MPPED1: variants seen among roughly 807,000 people sequenced by gnomAD.
MPPED1 encodes the protein metallophosphoesterase domain-containing protein 1.
MPPED1 carries 16 observed loss-of-function variants against 36.2 expected under a neutral mutation model. The observed-to-expected ratio is 0.44, with a 90% CI of 0.30 to 0.67. The LOEUF is 0.67. Ranked by LOEUF, MPPED1 falls within the 30% of genes least tolerant of loss-of-function variation. MPPED1 has a pLI of 0.10. For missense variants in MPPED1, 307 were observed against 453.4 expected, an observed-to-expected ratio of 0.68 and a Z score of 2.93; for synonymous variants, 199 against 191.3, an observed-to-expected ratio of 1.04 and a Z score of -0.33.
At chr22:43,439,964 T>A (rs1463704215) in intron 3 of MPPED1, among the ~76,000 whole-genome samples, 1 of 152,256 alleles carries the variant, frequency 6.6e-6, no homozygotes, top group East Asian at 1.9e-4. Context: ...CCAGAGCTCC[T>A]GGTCTAGGCT....
chr22:43,461,691 T>C (rs1364850053), intron 3 of MPPED1, among the ~76,000 whole-genome samples: 2 of 152,190 alleles, frequency 1.3e-5, no homozygotes, highest in Non-Finnish European at 2.9e-5. Context: ...GACAGCACTC[T>C]TTTTACTTTT....
At chr22:43,491,062 T>C (rs1932066728) in intron 4 of MPPED1, among the ~76,000 whole-genome samples, 2 of 152,228 alleles carry the variant, frequency 1.3e-5, no homozygotes, top group South Asian at 2.1e-4. Flanking sequence ...GAAGTATCCC[T>C]TTCCTGGCTC....
At chr22:43,464,311 G>A (rs1931085327) in intron 3 of MPPED1, among the ~76,000 whole-genome samples, 1 of 151,678 alleles carries the variant, frequency 6.6e-6, no homozygotes, top group South Asian at 2.1e-4. Context: ...GTGTGTGTGT[G>A]TGTGTGTGTG....
At chr22:43,442,899 C>G (rs1021168702) in intron 3 of MPPED1, among the ~76,000 whole-genome samples, 4 of 152,136 alleles carry the variant, frequency 2.6e-5, no homozygotes, top group African/African-American at 9.7e-5. Flanking sequence ...GCCTCTCCCG[C>G]GGGGCTGTGA....
intron 4 of MPPED1, among the ~76,000 whole-genome samples, chr22:43,495,244 GGT>G (rs1932225195): frequency 6.7e-6 from 1 of 148,754 alleles, no homozygotes; most frequent in Non-Finnish European, 1.5e-5. Context: ...AGGTGGTGGT[GGT>G]GATGGAGGTG....
chr22:43,425,087 C>T lies in MPPED1; in HGVS notation c.102C>T (p.Ala34=), dbSNP rs374028215. ...GMAFSQSHVM[A]ARRHQHSRLI... ...CATTCTCCCAGTCCCACGTGATGGC[C>T]GCTCGGCGGCACCAGCACAGCCGGC... is the stretch of plus-strand genomic sequence containing the variant. Residue 34 remains alanine (A), a synonymous_variant, in exon 2 of 7, where the codon GCC becomes GCT. Transcript: ENST00000443721. 23 of 1,613,624 alleles carry T rather than the reference C, an allele frequency of 1.4e-5. No homozygotes were observed. The highest frequency in any genetic ancestry group is 2.2e-5 in the East Asian group (1 of 44,890).
intron 4 of MPPED1, among the ~76,000 whole-genome samples, chr22:43,487,573 G>A (rs1931951984): frequency 6.6e-6 from 1 of 152,178 alleles, no homozygotes; most frequent in African/African-American, 2.4e-5. Context: ...TAGGAGCCAG[G>A]GGTGCAGGCC....
At chr22:43,495,455 GTGGAAGTGCTGGTGA>G in intron 4 of MPPED1, among the ~76,000 whole-genome samples, 2 of 149,636 alleles carry the variant, frequency 1.3e-5, no homozygotes, top group Admixed American at 6.6e-5. Context: ...GGAGGTGGTG[GTGGAAGTGCTGGTGA>G]TGGTGGAGGT....
At position 43,461,697 on chromosome 22, in the gene MPPED1, C is replaced by CT. The variant is rs956362993; in HGVS notation, c.407-13031dup. Among the ~76,000 whole-genome samples, 8 of 152,074 alleles carry CT rather than the reference C, an allele frequency of 5.3e-5. No individual in the cohort carries two copies. In the East Asian group the frequency reaches 5.8e-4, roughly 11 times the overall value. On this transcript the variant is annotated intron_variant, in intron 3 of 6. Transcript: ENST00000443721. ...CAAATGTATGACAGCACTCTTTTTA[C>CT]TTTTTTTTGAGAAATATTTAATGAA...
chr22:43,454,209 G>GC (rs1249654251), intron 3 of MPPED1, among the ~76,000 whole-genome samples: 3 of 151,908 alleles, frequency 2.0e-5, no homozygotes, highest in Non-Finnish European at 4.4e-5. Flanking sequence ...GGGTTTCACT[G>GC]CGTTGGCCAG....
intron 3 of MPPED1, among the ~76,000 whole-genome samples, chr22:43,465,002 C>T (rs1256210741): frequency 2.0e-5 from 3 of 152,184 alleles, no homozygotes; most frequent in African/African-American, 7.2e-5. Flanking sequence ...CCGTGGGCAC[C>T]CCACCCCGGT....
intron 4 of MPPED1, among the ~76,000 whole-genome samples, chr22:43,495,466 GGTGATGGTGGAGGTGGTGGTGGAGGTA>G (rs1569088562): frequency 3.5e-5 from 5 of 140,988 alleles, no homozygotes; most frequent in African/African-American, 7.9e-5. Flanking sequence ...TGGAAGTGCT[GGTGATGGTGGAGGTGGTGGTGGAGGTA>G]GTGGTGGTGG....
intron 3 of MPPED1, among the ~76,000 whole-genome samples, chr22:43,473,548 G>A (rs1188702229): frequency 1.3e-5 from 2 of 152,158 alleles, no homozygotes; most frequent in Non-Finnish European, 2.9e-5. Context: ...AAAGGCTTGG[G>A]TCTCCAAGTG....
intron 3 of MPPED1, among the ~76,000 whole-genome samples, chr22:43,473,059 A>G (rs886876054): frequency 6.6e-6 from 1 of 152,216 alleles, no homozygotes; most frequent in Admixed American, 6.5e-5. Context: ...TTCCAATAAG[A>G]AAAACAATCC....
chr22:43,452,716 C>T (rs1262208834), intron 3 of MPPED1, among the ~76,000 whole-genome samples: 1 of 151,782 alleles, frequency 6.6e-6, no homozygotes, highest in African/African-American at 2.4e-5. Flanking sequence ...TGAGCCTCGA[C>T]TTCCCGGGCT....
intron 4 of MPPED1, among the ~76,000 whole-genome samples, chr22:43,485,081 A>G (rs1046982919): frequency 6.6e-6 from 1 of 152,080 alleles, no homozygotes; most frequent in Non-Finnish European, 1.5e-5. Context: ...AGACATTCCC[A>G]TACCATACAC....
intron 3 of MPPED1, among the ~76,000 whole-genome samples, chr22:43,470,524 T>C (rs1321927496): frequency 1.3e-5 from 2 of 152,202 alleles, no homozygotes; most frequent in African/African-American, 2.4e-5. Context: ...CATTCATCCA[T>C]GCATGCATCC....
intron 4 of MPPED1, among the ~76,000 whole-genome samples, chr22:43,488,221 G>A (rs965620542): frequency 3.3e-5 from 5 of 152,256 alleles, no homozygotes; most frequent in African/African-American, 7.2e-5. Context: ...CGGCCCGGGT[G>A]TGCCTGTGTG....
intron 2 of MPPED1, among the ~76,000 whole-genome samples, chr22:43,425,737 C>A (rs911332174): frequency 6.6e-6 from 1 of 152,254 alleles, no homozygotes; most frequent in Non-Finnish European, 1.5e-5. Flanking sequence ...TGTTTCCCCT[C>A]CCTGCCCTTC....
Sources: allele counts gnomAD v4.1 joint callset (sites outside exome capture counted in the v4.1 genomes callset), GRCh38; gene constraint gnomAD v4.1.1; transcripts MANE v1.5; gene names NCBI Gene and HGNC (gene_info 2026-07-23, HGNC 2026-07-21).